The following ASXL2 variants were observed in gnomAD, a reference collection of about 807,000 sequenced individuals.
ASXL2 encodes ASXL transcriptional regulator 2.
In ASXL2, 23 loss-of-function variants were observed where a neutral mutation model predicts 122.0. The ratio of observed to expected loss-of-function variants is 0.19; its 90% CI spans 0.14 to 0.27. ASXL2 has a LOEUF of 0.27. Among genes scored for constraint, ASXL2 ranks in the 10% least tolerant of loss-of-function variants. The probability of loss-of-function intolerance (pLI) is 1.00; values close to 1 mark genes in which losing one functional copy is unlikely to be tolerated. For synonymous variants in ASXL2, 650 were observed against 637.0 expected (o/e 1.02, Z -0.31); for missense variants, 1,518 against 1,713.8 (o/e 0.89, Z 2.02).
At chr2:25,823,371 A>T (rs892675123) in intron 3 of ASXL2, among the ~76,000 whole-genome samples, 2 of 152,216 alleles carry the variant, frequency 1.3e-5, no homozygotes, top group African/African-American at 4.8e-5. Context: ...AATGGCTGGA[A>T]CAAATTGGCT....
chr2:25,850,976 T>C (rs776272672), intron 1 of ASXL2, among the ~76,000 whole-genome samples: 5 of 152,024 alleles, frequency 3.3e-5, no homozygotes, highest in Non-Finnish European at 4.4e-5. Flanking sequence ...TCATCTCTAC[T>C]AAAACTACAA....
In ASXL2 at chr2:25,811,658, G is replaced by A. The variant is rs752731791; in HGVS notation, c.144-5321C>T. Among the ~76,000 whole-genome samples, 6 of 152,174 alleles carry A rather than the reference G, an allele frequency of 3.9e-5. No individual in the cohort carries two copies. In the South Asian group the frequency reaches 6.2e-4, roughly 16 times the overall value. ...TAAATCAAGATGCCATTGGTCAGAT[G>A]GAAAGAAAGAAAATGACCCAAGCCA... On this transcript the variant is annotated intron_variant, in intron 3 of 12. Transcript: ENST00000435504.
chr2:25,765,912 G>T (rs1006541071), intron 8 of ASXL2, among the ~76,000 whole-genome samples: 1 of 152,076 alleles, frequency 6.6e-6, no homozygotes, highest in Admixed American at 6.5e-5. Flanking sequence ...TGATCAAAGG[G>T]CACATTCGGT....
At chr2:25,793,015 AG>A (rs2088858372) in intron 5 of ASXL2, among the ~76,000 whole-genome samples, 1 of 151,894 alleles carries the variant, frequency 6.6e-6, no homozygotes. Context: ...CACTTTGGGA[AG>A]CTGAGGCGGG....
intron 11 of ASXL2, among the ~76,000 whole-genome samples, chr2:25,750,618 C>A (rs1574395734): frequency 2.6e-5 from 4 of 152,084 alleles, no homozygotes; most frequent in Admixed American, 2.0e-4. Flanking sequence ...ACCTACCGTC[C>A]GTGTGATATT....
chr2:25,834,277 T>A (rs1250543708), intron 3 of ASXL2, among the ~76,000 whole-genome samples: 2 of 151,748 alleles, frequency 1.3e-5, no homozygotes, highest in Non-Finnish European at 2.9e-5. Flanking sequence ...CACTTGAACC[T>A]GGGAGGCAGA....
At chr2:25,839,325 A>G (rs2089550171) in intron 2 of ASXL2, among the ~76,000 whole-genome samples, 1 of 152,224 alleles carries the variant, frequency 6.6e-6, no homozygotes, top group Admixed American at 6.5e-5. Context: ...ATAACTGTTT[A>G]TTGGTAAACA....
At chr2:25,746,748 C>T (rs888675847) in intron 12 of ASXL2, among the ~76,000 whole-genome samples, 19 of 152,222 alleles carry the variant, frequency 1.2e-4, no homozygotes, top group Admixed American at 3.3e-4. Flanking sequence ...CAGTTACTTA[C>T]GTAAATAGCC....
chr2:25,774,975 CTG>C lies in ASXL2; in HGVS notation c.404-3437_404-3436del, dbSNP rs529605986. 2.6e-4 allele frequency among the ~76,000 whole-genome samples: 40 copies of C among 152,224 alleles called. No individual in the cohort carries two copies. In the South Asian group the frequency reaches 7.7e-3, roughly 29 times the overall value. ...CACTGAATAACCTCTATTTTGAAGACTGTTATTTCATTTTGCCTGTCTTCTCG... is the reference window on the plus strand; with the variant it reads ...CACTGAATAACCTCTATTTTGAAGACTTATTTCATTTTGCCTGTCTTCTCG... On this transcript the variant is annotated intron_variant, in intron 5 of 12. Transcript: ENST00000435504.
intron 1 of ASXL2, among the ~76,000 whole-genome samples, chr2:25,863,201 G>A (rs1166003210): frequency 2.0e-5 from 3 of 151,712 alleles, no homozygotes; most frequent in Non-Finnish European, 4.4e-5. Flanking sequence ...GTGGTGGTAC[G>A]CCCCTGTAGT....
chr2:25,771,567 G>T lies in ASXL2; in HGVS notation c.404-27C>A, dbSNP rs760196872. On this transcript the variant is annotated intron_variant, in intron 5 of 12. Coordinates refer to ENST00000435504, the MANE Select transcript of ASXL2 (RefSeq NM_018263.6). ...TAGGGAAAAAAAAGTGACAATAAAA[G>T]ATTTTTGTTAACAGAGATACCAAGC... 7.6e-6 allele frequency: 12 copies of T among 1,574,986 alleles called. No homozygotes were observed. The African/African-American group carries it at 8.1e-5, about 11-fold the overall frequency.
At chr2:25,792,608 C>CT (rs952086796) in intron 5 of ASXL2, among the ~76,000 whole-genome samples, 2 of 150,964 alleles carry the variant, frequency 1.3e-5, no homozygotes, top group Non-Finnish European at 3.0e-5. Flanking sequence ...TAATTTTTTT[C>CT]TTTTTTTTTC....
intron 1 of ASXL2, chr2:25,856,595 T>C: frequency 8.2e-7 from 1 of 1,213,528 alleles, no homozygotes; most frequent in Non-Finnish European, 1.2e-6. Flanking sequence ...TCTTGATCTG[T>C]CCTGTGCAGA....
At chr2:25,876,094 T>C (rs535851820) in intron 1 of ASXL2, among the ~76,000 whole-genome samples, 11 of 152,174 alleles carry the variant, frequency 7.2e-5, no homozygotes, top group Non-Finnish European at 1.3e-4. Context: ...AGAAAAACTT[T>C]AGTGTCATCA....
intron 3 of ASXL2, among the ~76,000 whole-genome samples, chr2:25,828,722 G>A (rs1223045504): frequency 6.7e-6 from 1 of 150,346 alleles, no homozygotes; most frequent in African/African-American, 2.4e-5. Context: ...CTACTGGGGA[G>A]GCTGAGGGAG....
intron 5 of ASXL2, among the ~76,000 whole-genome samples, chr2:25,793,602 C>T (rs1485614212): frequency 1.3e-5 from 2 of 152,140 alleles, no homozygotes; most frequent in African/African-American, 4.8e-5. Flanking sequence ...AACTTAAGAA[C>T]TATATATAGT....
chr2:25,777,320 A>G lies in ASXL2; in HGVS notation c.404-5780T>C, dbSNP rs540221921. 5.3e-5 allele frequency among the ~76,000 whole-genome samples: 8 copies of G among 152,138 alleles called. 1 individual carries two copies. In the South Asian group the frequency reaches 1.7e-3, roughly 32 times the overall value. ...TGTCCAGGCTTGTTCTAACTTTTAAAGACTCAGTATTACAAGCAGCAAATA... is the reference window on the plus strand; with the variant it reads ...TGTCCAGGCTTGTTCTAACTTTTAAGGACTCAGTATTACAAGCAGCAAATA... On this transcript the variant is annotated intron_variant, in intron 5 of 12. Transcript: ENST00000435504.
chr2:25,809,808 G>A, intron 3 of ASXL2: 1 of 431,926 alleles, frequency 2.3e-6, no homozygotes, highest in Non-Finnish European at 4.5e-6. Flanking sequence ...CAGGGGAGGT[G>A]GGGGCAGCGA....
chr2:25,821,534 C>T lies in ASXL2; in HGVS notation c.143+14004G>A, dbSNP rs184905483. 4.7e-4 allele frequency among the ~76,000 whole-genome samples: 71 copies of T among 152,192 alleles called. No individual in the cohort carries two copies. In the East Asian group the frequency reaches 0.012, roughly 26 times the overall value. ...ATCCCAGCACTTTGGGAGGCCACAG[C>T]GAGCAGATCACTCGAGGTCAGGAGT... On this transcript the variant is annotated intron_variant, in intron 3 of 12. Transcript: ENST00000435504.
Sources: allele counts gnomAD v4.1 joint callset (sites outside exome capture counted in the v4.1 genomes callset), GRCh38; gene constraint gnomAD v4.1.1; transcripts MANE v1.5; gene names NCBI Gene and HGNC (gene_info 2026-07-23, HGNC 2026-07-21).